Variants in MRPL1 observed in about 807,000 individuals in gnomAD.
MRPL1 encodes the protein large ribosomal subunit protein uL1m.
In MRPL1, 28 loss-of-function variants were observed where a neutral mutation model predicts 38.0. The ratio of observed to expected loss-of-function variants is 0.74; its 90% CI spans 0.55 to 1.01. The LOEUF (loss-of-function observed/expected upper bound fraction) is 1.01. Among genes scored for constraint, MRPL1 ranks in the 50% least tolerant of loss-of-function variants. MRPL1 has a pLI of 0.00. For missense variants in MRPL1, 358 were observed against 389.8 expected (o/e 0.92, Z 0.69); for synonymous variants, 123 against 126.7 (o/e 0.97, Z 0.20).
At chr4:77,940,689 G>C (rs1345139125) in intron 7 of MRPL1, among the ~76,000 whole-genome samples, 1 of 152,022 alleles carries the variant, frequency 6.6e-6, no homozygotes, top group South Asian at 2.1e-4. Flanking sequence ...GTTTGTCATC[G>C]TGGCTTTTAT....
intron 3 of MRPL1, among the ~76,000 whole-genome samples, chr4:77,883,999 A>G (rs893611619): frequency 6.6e-6 from 1 of 152,190 alleles, no homozygotes; most frequent in Non-Finnish European, 1.5e-5. Context: ...TTTGTTGAAA[A>G]CACTCTAGAG....
At chr4:77,917,323 A>G (rs1736445295) in intron 7 of MRPL1, among the ~76,000 whole-genome samples, 3 of 152,160 alleles carry the variant, frequency 2.0e-5, no homozygotes, top group Non-Finnish European at 4.4e-5. Context: ...AGCCATGATC[A>G]TTAAAAGTTG....
intron 7 of MRPL1, among the ~76,000 whole-genome samples, chr4:77,949,128 T>C (rs1364386783): frequency 6.6e-6 from 1 of 152,202 alleles, no homozygotes; most frequent in Non-Finnish European, 1.5e-5. Flanking sequence ...AACATTTGAA[T>C]GTAATATAAC....
chr4:77,864,039 C>T (rs892192242), intron 1 of MRPL1, among the ~76,000 whole-genome samples: 7 of 133,938 alleles, frequency 5.2e-5, no homozygotes, highest in African/African-American at 1.4e-4. Flanking sequence ...TTTAGGAAAA[C>T]TGTGTCAAGA....
chr4:77,877,918 C>T (rs1252924689), intron 2 of MRPL1, among the ~76,000 whole-genome samples: 2 of 151,786 alleles, frequency 1.3e-5, no homozygotes, highest in Non-Finnish European at 2.9e-5. Flanking sequence ...GGTGGGGGGA[C>T]GGCGCGCTTC....
chr4:77,912,199 G>A (rs1042422559), intron 7 of MRPL1, among the ~76,000 whole-genome samples: 2 of 152,092 alleles, frequency 1.3e-5, no homozygotes, highest in Non-Finnish European at 2.9e-5. Flanking sequence ...AAGGACATCC[G>A]TCTCACCACT....
chr4:77,910,421 T>A (rs1736258938), intron 7 of MRPL1, among the ~76,000 whole-genome samples: 1 of 152,102 alleles, frequency 6.6e-6, no homozygotes, highest in Admixed American at 6.6e-5. Flanking sequence ...ATCAGAAATA[T>A]AGAAAAAGCT....
chr4:77,939,162 C>T (rs1026494735), intron 7 of MRPL1, among the ~76,000 whole-genome samples: 11 of 152,068 alleles, frequency 7.2e-5, no homozygotes, highest in African/African-American at 2.7e-4. Flanking sequence ...TGAGAACATA[C>T]GATGTTTGGT....
intron 3 of MRPL1, 82 bp downstream of exon 3, chr4:77,883,582 T>A: frequency 1.5e-6 from 2 of 1,351,082 alleles, no homozygotes; most frequent in Non-Finnish European, 2.0e-6. Context: ...TTTATTGTTA[T>A]TATTATTTTT....
At chr4:77,951,451 G>C (rs1286406296) in intron 8 of MRPL1, among the ~76,000 whole-genome samples, 2 of 152,126 alleles carry the variant, frequency 1.3e-5, no homozygotes, top group Non-Finnish European at 2.9e-5. Flanking sequence ...TAATATTCTA[G>C]AGTACAACTA....
At chr4:77,931,845 A>G (rs1484110001) in intron 7 of MRPL1, among the ~76,000 whole-genome samples, 1 of 152,204 alleles carries the variant, frequency 6.6e-6, no homozygotes, top group Non-Finnish European at 1.5e-5. Flanking sequence ...GAACTTCAAA[A>G]TGTTTTGCAG....
rs542581600 is a variant in MRPL1 at position 77,933,995 on chromosome 4, T to A, written c.778-15802T>A. Among the ~76,000 whole-genome samples the A allele has an allele frequency of 1.1e-3, 173 of 152,354 alleles. 1 individual carries two copies. Among genetic ancestry groups the A allele is most frequent in the African/African-American group, 4.1e-3 (171 of 41,580 alleles). On this transcript the variant is annotated intron_variant, in intron 7 of 8. Coordinates refer to ENST00000315567, the MANE Select transcript of MRPL1 (RefSeq NM_020236.4). The stretch of plus-strand genomic sequence containing the variant: ...GGAAAAACCCAGTTTTGTTCATAGA[T>A]GTTTTCCTACATGTGAAAAAATCTC...
At chr4:77,882,326 A>G (rs1165122667) in intron 2 of MRPL1, among the ~76,000 whole-genome samples, 1 of 152,224 alleles carries the variant, frequency 6.6e-6, no homozygotes, top group African/African-American at 2.4e-5. Flanking sequence ...TTATTAAGGT[A>G]TCATATAATT....
intron 7 of MRPL1, among the ~76,000 whole-genome samples, chr4:77,933,269 A>G (rs1207352596): frequency 5.3e-5 from 8 of 152,080 alleles, no homozygotes; most frequent in Admixed American, 1.3e-4. Context: ...TGTTTAGAGG[A>G]GCTGTAGTCA....
At chr4:77,884,110 G>A (rs1359603015) in intron 3 of MRPL1, among the ~76,000 whole-genome samples, 1 of 152,078 alleles carries the variant, frequency 6.6e-6, no homozygotes, top group African/African-American at 2.4e-5. Flanking sequence ...ACTTTGAAAA[G>A]TGATTTAAAC....
chr4:77,918,576 C>T (rs1248075254), intron 7 of MRPL1, among the ~76,000 whole-genome samples: 1 of 152,124 alleles, frequency 6.6e-6, no homozygotes, highest in Non-Finnish European at 1.5e-5. Flanking sequence ...TGGTCCATAG[C>T]TTAGTCATAC....
intron 1 of MRPL1, among the ~76,000 whole-genome samples, chr4:77,865,034 C>T (rs541094799): frequency 4.0e-5 from 6 of 151,890 alleles, no homozygotes; most frequent in Admixed American, 6.6e-5. Context: ...GGATTACAGG[C>T]GCGTGCCACC....
At chr4:77,936,517 G>A (rs1736983654) in intron 7 of MRPL1, among the ~76,000 whole-genome samples, 2 of 152,160 alleles carry the variant, frequency 1.3e-5, no homozygotes, top group South Asian at 2.1e-4. Flanking sequence ...TTCTGTCCCA[G>A]GAGTCAGCAA....
chr4:77,878,238 G>A (rs977846848), intron 2 of MRPL1, among the ~76,000 whole-genome samples: 5 of 152,148 alleles, frequency 3.3e-5, no homozygotes, highest in African/African-American at 9.7e-5. Flanking sequence ...GCTCTTTCTC[G>A]TTGTTAATGG....
Sources: allele counts gnomAD v4.1 joint callset (sites outside exome capture counted in the v4.1 genomes callset), GRCh38; gene constraint gnomAD v4.1.1; transcripts MANE v1.5; gene names NCBI Gene and HGNC (gene_info 2026-07-23, HGNC 2026-07-21).